The following PTCHD4 variants were observed in gnomAD, a reference collection of about 807,000 sequenced individuals.
PTCHD4 encodes patched domain containing 4.
A neutral mutation model predicts 58.1 loss-of-function variants in PTCHD4; 33 were observed. The ratio of observed to expected loss-of-function variants is 0.57; its 90% confidence interval spans 0.43 to 0.76. The LOEUF is 0.76. PTCHD4 is among the 30% of genes least tolerant of loss of function. The pLI is 0.00. For missense variants in PTCHD4, 1,058 were observed against 1,027.1 expected (o/e 1.03, Z -0.41); for synonymous variants, 478 against 409.6 (o/e 1.17, Z -2.02).
In PTCHD4 at chr6:47,874,781, C is replaced by A. The variant is rs146693472; in HGVS notation, c.*3522G>T. Reference sequence around the variant, plus strand: ...GAGAATAGTTCTTTCATAGAATACTCATGCACAGCCTTCAAAGAGGTTCAT... The same window carrying A: ...GAGAATAGTTCTTTCATAGAATACTAATGCACAGCCTTCAAAGAGGTTCAT... On this transcript the variant is annotated 3_prime_UTR_variant, in exon 5 of 5. Transcript: ENST00000339488. 6.6e-6 allele frequency among the ~76,000 whole-genome samples: 1 copy of A among 151,796 alleles called. No homozygotes were observed. Among genetic ancestry groups the A allele is most frequent in the Admixed American group, 6.6e-5 (1 of 15,210 alleles).
chr6:47,895,988 A>G (rs1274831882), intron 4 of PTCHD4, among the ~76,000 whole-genome samples: 1 of 152,180 alleles, frequency 6.6e-6, no homozygotes, highest in African/African-American at 2.4e-5. Context: ...TAGCAGTGTC[A>G]TGCGGATAGT....
intron 4 of PTCHD4, among the ~76,000 whole-genome samples, chr6:47,914,740 TCTATTATC>T (rs1561954556): frequency 0.11 from 15,848 of 145,584 alleles, 988 homozygotes; most frequent in Non-Finnish European, 0.15. Context: ...CTATTATCTA[TCTATTATC>T]TATCTATCTA....
chr6:47,919,500 A>G (rs1471995053), intron 4 of PTCHD4, among the ~76,000 whole-genome samples: 1 of 152,220 alleles, frequency 6.6e-6, no homozygotes, highest in Non-Finnish European at 1.5e-5. Context: ...AATCAGAATG[A>G]TAAGAAGGAG....
At position 47,874,955 on chromosome 6, in the gene PTCHD4, G is replaced by A. The variant is rs1209230521; in HGVS notation, c.*3348C>T. On this transcript the variant is annotated 3_prime_UTR_variant, in exon 5 of 5. Transcript: ENST00000339488. ...TTTAGCTGATCTCTCTGTAATTTAG[G>A]TGAGTACCTCTTTGAAGTTTATTAA... Among the ~76,000 whole-genome samples the A allele has an allele frequency of 6.6e-6, 1 of 151,744 alleles. No individual in the cohort carries two copies. Among genetic ancestry groups the A allele is most frequent in the South Asian group, 2.1e-4 (1 of 4,820 alleles).
rs190823333 is a variant in PTCHD4, at chr6:47,995,311, C to T, written c.898+13323G>A. On this transcript the variant is annotated intron_variant, in intron 4 of 4. Coordinates refer to ENST00000339488, the MANE Select transcript of PTCHD4 (RefSeq NM_001384253.1). ...TACATACACAGAAGTTTCCAGGGAG[C>T]AATGGGACAGCATCTGGGAGGCATT... 1.9e-3 allele frequency among the ~76,000 whole-genome samples: 295 copies of T among 152,200 alleles called. 1 individual carries two copies. Among genetic ancestry groups the T allele is most frequent in the Admixed American group, 3.1e-3 (47 of 15,278 alleles).
In PTCHD4 at chr6:47,879,003, G is replaced by C; in HGVS notation, c.1832C>G (p.Thr611Ser). Residue 611 changes from threonine to serine, a missense_variant, in exon 5 of 5, where the codon ACT (threonine) becomes AGT (serine). Transcript: ENST00000339488. Reference protein sequence around the residue: ...IASRLYLVARTSRDKQKEITE... With the variant: ...IASRLYLVARSSRDKQKEITE... The stretch of plus-strand genomic sequence containing the variant: ...GATTTCTTTCTGCTTGTCTCTGCTA[G>C]TCCTGGCCACCAGATACAAGCGAGA... The C allele has an allele frequency of 6.2e-7, 1 of 1,613,364 alleles. No individual in the cohort carries two copies.
At chr6:47,959,085 C>T (rs1299329567) in intron 4 of PTCHD4, among the ~76,000 whole-genome samples, 1 of 151,926 alleles carries the variant, frequency 6.6e-6, no homozygotes, top group African/African-American at 2.4e-5. Flanking sequence ...TTAAAAGAAG[C>T]AGGAAAATAT....
intron 4 of PTCHD4, among the ~76,000 whole-genome samples, chr6:47,910,804 G>A (rs552113607): frequency 2.0e-5 from 3 of 152,164 alleles, no homozygotes; most frequent in East Asian, 1.9e-4. Context: ...TAACACCCTC[G>A]CTGAGACTTT....
chr6:48,097,639 A>G (rs1765502032), intron 1 of PTCHD4, among the ~76,000 whole-genome samples: 1 of 152,206 alleles, frequency 6.6e-6, no homozygotes, highest in Non-Finnish European at 1.5e-5. Flanking sequence ...CAATTACTCT[A>G]TGTCTAGCAT....
chr6:48,000,358 T>C (rs1368046865), intron 4 of PTCHD4, among the ~76,000 whole-genome samples: 1 of 152,180 alleles, frequency 6.6e-6, no homozygotes, highest in Non-Finnish European at 1.5e-5. Context: ...CATTTTTTGT[T>C]TTCTGATTAA....
intron 4 of PTCHD4, among the ~76,000 whole-genome samples, chr6:47,994,651 G>A (rs918540224): frequency 1.3e-5 from 2 of 152,198 alleles, no homozygotes; most frequent in Non-Finnish European, 2.9e-5. Flanking sequence ...ATATGAAACA[G>A]CCTTGTGTAT....
At position 48,059,304 on chromosome 6, in the gene PTCHD4, A is replaced by G. The variant is rs533486594; in HGVS notation, c.417+8926T>C. Among the ~76,000 whole-genome samples the G allele has an allele frequency of 3.9e-5, 6 of 152,320 alleles. No homozygotes were observed. In the South Asian group the frequency reaches 6.2e-4, roughly 16 times the overall value. On this transcript the variant is annotated intron_variant, in intron 3 of 4. Transcript: ENST00000339488. ...ATTATGAGCTGATTTAATACACTCA[A>G]TACTGTAAGGTAAGGGCTATTATGA...
At position 48,064,203 on chromosome 6, in the gene PTCHD4, C is replaced by T. The variant is rs993635873; in HGVS notation, c.417+4027G>A. 5.1e-4 allele frequency among the ~76,000 whole-genome samples: 78 copies of T among 152,210 alleles called. 5 individuals are homozygous for T. The highest frequency in any genetic ancestry group is 4.2e-4 in the South Asian group (2 of 4,818). On this transcript the variant is annotated intron_variant, in intron 3 of 4. Transcript: ENST00000339488. The stretch of plus-strand genomic sequence containing the variant: ...TCTAGACTTGGAATCAAACCCATAT[C>T]GAAGGACTACATTTGTCTGCTTAAA...
intron 4 of PTCHD4, among the ~76,000 whole-genome samples, chr6:47,893,135 C>T (rs1288655439): frequency 1.3e-5 from 2 of 152,128 alleles, no homozygotes; most frequent in Admixed American, 6.5e-5. Context: ...CTCAGCCTCC[C>T]GAGTAGCTGG....
intron 4 of PTCHD4, among the ~76,000 whole-genome samples, chr6:47,975,726 A>G (rs1767669325): frequency 6.6e-6 from 1 of 152,208 alleles, no homozygotes; most frequent in African/African-American, 2.4e-5. Flanking sequence ...TTTAGCACCT[A>G]TTAATCAGCT....
chr6:47,883,434 G>A (rs1051661288), intron 4 of PTCHD4, among the ~76,000 whole-genome samples: 2 of 151,992 alleles, frequency 1.3e-5, no homozygotes, highest in Non-Finnish European at 2.9e-5. Context: ...TTCTATTGTC[G>A]TATAATGAGA....
chr6:47,893,055 G>C (rs2114129633), intron 4 of PTCHD4, among the ~76,000 whole-genome samples: 1 of 152,322 alleles, frequency 6.6e-6, no homozygotes, highest in South Asian at 2.1e-4. Flanking sequence ...TCTGTCACCA[G>C]GGTGGAGTGC....
Position 47,879,815 on chromosome 6 carries a change from G to A in PTCHD4, c.1020C>T (p.Thr340=). 1 of 1,613,424 alleles carries A rather than the reference G, an allele frequency of 6.2e-7. No individual in the cohort carries two copies. The highest frequency in any genetic ancestry group is 8.5e-7 in the Non-Finnish European group (1 of 1,179,694). Reference sequence around the variant, plus strand: ...CAAAAGTGATGAAGTACAGGGAGCTGGTCATGGTATAGGTGACCATCACAT... The same window carrying A: ...CAAAAGTGATGAAGTACAGGGAGCTAGTCATGGTATAGGTGACCATCACAT... ...YSDVMVTYTM[T]SSLYFITFGM... The change falls in exon 5 of 5, where the codon ACC becomes ACT. Residue 340 remains threonine, a synonymous_variant. Transcript: ENST00000339488.
At chr6:48,047,110 A>G (rs554968067) in intron 3 of PTCHD4, among the ~76,000 whole-genome samples, 239 of 151,904 alleles carry the variant, frequency 1.6e-3, no homozygotes, top group African/African-American at 5.6e-3. Context: ...AGATGAGAAT[A>G]AAGTTTAATA....
Sources: gnomAD v4.1 joint callset for allele counts (sites outside exome capture counted in the v4.1 genomes callset) on GRCh38, gnomAD v4.1.1 for gene constraint, MANE v1.5 for transcripts, NCBI Gene and HGNC (gene_info 2026-07-23, HGNC 2026-07-21) for gene names.